Variants in POT1 observed in about 807,000 individuals in gnomAD.
POT1 encodes the protein protection of telomeres protein 1.
Under a neutral mutation model 78.5 loss-of-function variants are expected in POT1, and 47 were observed. That is an observed-to-expected ratio of 0.60 (90% confidence interval 0.47 to 0.76). POT1 has a LOEUF of 0.76. Among genes scored for constraint, POT1 ranks in the 30% least tolerant of loss-of-function variants. POT1 has a pLI of 0.00. For missense variants in POT1, 646 were observed against 749.9 expected (o/e 0.86, Z 1.62); for synonymous variants, 259 against 260.7 (o/e 0.99, Z 0.06).
At chr7:124,917,858 G>A (rs983622132) in intron 2 of POT1, among the ~76,000 whole-genome samples, 4 of 152,130 alleles carry the variant, frequency 2.6e-5, no homozygotes, top group Admixed American at 1.3e-4. Context: ...TAGCACCTGC[G>A]AAAGGGCCCT....
At chr7:124,864,115 C>G (rs921364376) in intron 7 of POT1, among the ~76,000 whole-genome samples, 1 of 152,088 alleles carries the variant, frequency 6.6e-6, no homozygotes, top group South Asian at 2.1e-4. Flanking sequence ...ATGCCATAAG[C>G]TCTTTTGCTT....
At chr7:124,917,562 A>G (rs1169299928) in intron 2 of POT1, among the ~76,000 whole-genome samples, 1 of 152,184 alleles carries the variant, frequency 6.6e-6, no homozygotes, top group Non-Finnish European at 1.5e-5. Flanking sequence ...CCTCCACAAG[A>G]CGTACAGCTT....
At chr7:124,862,826 T>A (rs556184516) in intron 8 of POT1, among the ~76,000 whole-genome samples, 31 of 152,194 alleles carry the variant, frequency 2.0e-4, no homozygotes, top group Non-Finnish European at 3.5e-4. Flanking sequence ...GATAGGTATA[T>A]ACAGAGATTT....
At chr7:124,829,135 G>C (rs1418492279) in intron 16 of POT1, 119 bp downstream of exon 16, 1 of 791,664 alleles carries the variant, frequency 1.3e-6, no homozygotes, top group Non-Finnish European at 2.3e-6. Flanking sequence ...ATCTTACAGA[G>C]GAAGGAATAA....
intron 7 of POT1, among the ~76,000 whole-genome samples, chr7:124,865,986 TTCTTTACTAGACA>T (rs1299167089): frequency 1.3e-5 from 2 of 152,206 alleles, no homozygotes; most frequent in African/African-American, 4.8e-5. Flanking sequence ...ATATCTTTTT[TTCTTTACTAGACA>T]TCATAGATGC....
intron 2 of POT1, among the ~76,000 whole-genome samples, chr7:124,917,323 G>C (rs755288454): frequency 2.0e-5 from 3 of 152,102 alleles, no homozygotes; most frequent in Non-Finnish European, 4.4e-5. Context: ...CTAAAACTAA[G>C]GATGGGGAAG....
chr7:124,829,292 A>G lies in POT1; in HGVS notation c.1556T>C (p.Val519Ala). Reference protein sequence around the residue: ...LRSIQNLNSLVDKTSWIPSSV... With the variant: ...LRSIQNLNSLADKTSWIPSSV... ...AGAAGGAATCCACGATGTTTTATCA[A>G]CCAGGGAATTTAGATTTTGTATGGA... Residue 519 changes from valine to alanine, a missense_variant, in exon 16 of 19, where the codon GTT (valine) becomes GCT (alanine). Val to Ala is a moderately conservative substitution (Grantham distance 64, BLOSUM62 0). Around this residue, in one of 2 missense-constraint regions of POT1, gnomAD observed 394 missense variants for 408.4 expected, o/e 0.96. Transcript: ENST00000357628. 1.2e-6 allele frequency: 2 copies of G among 1,606,592 alleles called. No individual in the cohort carries two copies. Among genetic ancestry groups the G allele is most frequent in the Non-Finnish European group, 1.7e-6 (2 of 1,173,348 alleles).
At chr7:124,883,469 C>G (rs1201225501) in intron 6 of POT1, among the ~76,000 whole-genome samples, 1 of 151,934 alleles carries the variant, frequency 6.6e-6, no homozygotes, top group Admixed American at 6.6e-5. Context: ...TATTATCTGG[C>G]ATATAGAAAA....
chr7:124,823,968 T>G lies in POT1; in HGVS notation c.1899A>C (p.Val633=). The G allele has an allele frequency of 1.9e-6, 3 of 1,566,338 alleles. No individual in the cohort carries two copies. The highest frequency in any genetic ancestry group is 2.6e-6 in the Non-Finnish European group (3 of 1,138,554). ...GCTAAATTGGATGGCAATATTAGAT[T>G]ACATCTTCTGCAACTGTGGTGTCAA... ...QIFDTTVAED[V]I is the part of the protein sequence containing the mutation. The change falls in exon 19 of 19, where the codon GTA becomes GTC. Residue 633 remains valine, a synonymous_variant. Transcript: ENST00000357628.
intron 3 of POT1, among the ~76,000 whole-genome samples, chr7:124,904,814 T>C (rs1796719468): frequency 6.6e-6 from 1 of 152,188 alleles, no homozygotes; most frequent in African/African-American, 2.4e-5. Context: ...GGATACAAAA[T>C]CAATGTGCAA....
intron 3 of POT1, among the ~76,000 whole-genome samples, chr7:124,902,721 A>C (rs569745524): frequency 6.6e-6 from 1 of 152,298 alleles, no homozygotes; most frequent in East Asian, 1.9e-4. Context: ...ATTAAAAGAC[A>C]CAGAATGGCA....
intron 13 of POT1, among the ~76,000 whole-genome samples, chr7:124,842,313 T>C (rs1795047150): frequency 1.3e-5 from 2 of 151,996 alleles, no homozygotes; most frequent in African/African-American, 4.8e-5. Flanking sequence ...TACATATTTA[T>C]ATAATCACTG....
At chr7:124,856,815 T>G (rs1443511603) in intron 9 of POT1, among the ~76,000 whole-genome samples, 2 of 152,200 alleles carry the variant, frequency 1.3e-5, no homozygotes, top group Non-Finnish European at 2.9e-5. Flanking sequence ...CCTCCAGAAC[T>G]GAACTTATCA....
intron 5 of POT1, among the ~76,000 whole-genome samples, chr7:124,893,015 T>C (rs1157179693): frequency 1.3e-5 from 2 of 151,484 alleles, no homozygotes; most frequent in Admixed American, 6.6e-5. Flanking sequence ...CAATACAAGT[T>C]ACATCTCTTG....
chr7:124,846,690 A>G (rs559034356), intron 12 of POT1, among the ~76,000 whole-genome samples: 2 of 150,520 alleles, frequency 1.3e-5, no homozygotes, highest in African/African-American at 4.9e-5. Flanking sequence ...TGTTTAAAAC[A>G]TATCTGTTTT....
intron 9 of POT1, among the ~76,000 whole-genome samples, chr7:124,857,317 C>A (rs1176037775): frequency 1.3e-5 from 2 of 152,198 alleles, no homozygotes; most frequent in Non-Finnish European, 2.9e-5. Context: ...CAAACACTGG[C>A]TTCATCCAGA....
chr7:124,921,174 A>T (rs904438601), intron 2 of POT1, among the ~76,000 whole-genome samples: 3 of 152,106 alleles, frequency 2.0e-5, no homozygotes, highest in Admixed American at 6.6e-5. Context: ...TAAAATAAGA[A>T]CTTAGCAAAC....
At chr7:124,854,178 C>CAT (rs1795385714) in intron 9 of POT1, among the ~76,000 whole-genome samples, 1 of 151,864 alleles carries the variant, frequency 6.6e-6, no homozygotes, top group Non-Finnish European at 1.5e-5. Context: ...GGAATATCTG[C>CAT]ATATATATAA....
rs1795012255 is a variant in POT1, at chr7:124,840,970, T to C, written c.1369+3A>G. 6.3e-7 allele frequency: 1 copy of C among 1,583,318 alleles called. No individual in the cohort carries two copies. Reference sequence around the variant, plus strand: ...TAACAAAACAGTGACTTAAATATCTTACCTTCTATCAAAAGTAGACATTCA... The same window carrying C: ...TAACAAAACAGTGACTTAAATATCTCACCTTCTATCAAAAGTAGACATTCA... On this transcript the variant is annotated splice_donor_region_variant and intron_variant, in intron 14 of 18. Coordinates refer to ENST00000357628, the MANE Select transcript of POT1 (RefSeq NM_015450.3).
Sources: allele counts gnomAD v4.1 joint callset (sites outside exome capture counted in the v4.1 genomes callset), GRCh38; gene constraint gnomAD v4.1.1; regional missense constraint gnomAD v4.1.1; transcripts MANE v1.5; gene names NCBI Gene and HGNC (gene_info 2026-07-23, HGNC 2026-07-21).